Variants in RGS6 observed in about 807,000 individuals in gnomAD.
RGS6 encodes the protein regulator of G-protein signaling 6.
In RGS6, 30 loss-of-function variants were observed where a neutral mutation model predicts 78.5. That is an observed-to-expected ratio of 0.38 (90% confidence interval 0.29 to 0.52). RGS6 has a LOEUF of 0.52. RGS6 is among the 20% of genes least tolerant of loss of function. The pLI is 0.85. For missense variants in RGS6, 495 were observed against 609.7 expected, an observed-to-expected ratio of 0.81 and a Z score of 1.98; for synonymous variants, 206 against 206.0, an observed-to-expected ratio of 1.00 and a Z score of 0.00.
At chr14:71,961,630 CTG>C (rs1407511158) in intron 1 of RGS6, among the ~76,000 whole-genome samples, 5 of 152,224 alleles carry the variant, frequency 3.3e-5, no homozygotes, top group Non-Finnish European at 2.9e-5. Context: ...TTCTTGAAGA[CTG>C]TGAAATGCAA....
At chr14:72,011,781 G>A (rs994355355) in intron 2 of RGS6, among the ~76,000 whole-genome samples, 2 of 152,068 alleles carry the variant, frequency 1.3e-5, no homozygotes, top group Admixed American at 6.6e-5. Context: ...TATCCTCTGG[G>A]GGGGTACTGG....
rs1345600168 is a variant in RGS6, at chr14:72,441,366, C to T, written c.185-13162C>T. ...GTCTCACATGACTGGCTTCAGTTTT[C>T]TCACCAGTCCTGCAAAGCCAGGCCT... On this transcript the variant is annotated intron_variant, in intron 3 of 17. Coordinates refer to ENST00000553525, the MANE Select transcript of RGS6 (RefSeq NM_001204424.2). 2.6e-5 allele frequency among the ~76,000 whole-genome samples: 4 copies of T among 152,352 alleles called. No individual in the cohort carries two copies. In the East Asian group the frequency reaches 5.8e-4, roughly 22 times the overall value.
intron 2 of RGS6, among the ~76,000 whole-genome samples, chr14:72,311,301 A>G (rs369928783): frequency 1.3e-5 from 2 of 152,224 alleles, no homozygotes; most frequent in South Asian, 4.1e-4. Flanking sequence ...TTATGTGACT[A>G]TGTGATTTTT....
chr14:71,917,992 C>A, the RGS6 span, among the ~76,000 whole-genome samples: 1,153 of 151,658 alleles, frequency 7.6e-3, 14 homozygotes, highest in African/African-American at 0.026. Context: ...GCTAACACGG[C>A]GAAACCCCGT....
At chr14:72,614,938 C>G in the RGS6 span, among the ~76,000 whole-genome samples, 1 of 151,502 alleles carries the variant, frequency 6.6e-6, no homozygotes, top group Non-Finnish European at 1.5e-5. Context: ...CCCAGGCACC[C>G]CTGTCTTTCT....
At chr14:72,080,695 A>G (rs2094784391) in intron 2 of RGS6, among the ~76,000 whole-genome samples, 1 of 152,118 alleles carries the variant, frequency 6.6e-6, no homozygotes, top group Non-Finnish European at 1.5e-5. Flanking sequence ...TAGTTCTTGT[A>G]TATGGTATGA....
chr14:71,990,376 A>G (rs997550221), intron 2 of RGS6, among the ~76,000 whole-genome samples: 1 of 152,188 alleles, frequency 6.6e-6, no homozygotes, highest in Admixed American at 6.5e-5. Context: ...GTTCCAAATG[A>G]GGAAGGGCAA....
At chr14:71,922,245 T>G in the RGS6 span, among the ~76,000 whole-genome samples, 8 of 152,326 alleles carry the variant, frequency 5.3e-5, no homozygotes, top group African/African-American at 1.4e-4. Context: ...CTCTTCTAAT[T>G]CATCAACAAG....
rs191822022 is a variant in RGS6 at position 72,195,326 on chromosome 14, A to G, written c.85-156769A>G. ...GAGTATTGAATTTGAGCTGTCTCTT[A>G]GTGACAATACCAAGTAGATAGTTGG... On this transcript the variant is annotated intron_variant, in intron 2 of 17. Coordinates refer to ENST00000553525, the MANE Select transcript of RGS6 (RefSeq NM_001204424.2). Among the ~76,000 whole-genome samples the G allele has an allele frequency of 5.3e-5, 8 of 152,358 alleles. No homozygotes were observed. In the East Asian group the frequency reaches 1.3e-3, roughly 26 times the overall value.
chr14:72,524,938 C>A (rs1455607774), intron 15 of RGS6, among the ~76,000 whole-genome samples: 1 of 152,206 alleles, frequency 6.6e-6, no homozygotes, highest in Non-Finnish European at 1.5e-5. Flanking sequence ...CGTCCCAGCC[C>A]CACTGCTTTC....
At chr14:72,180,685 A>G (rs962344046) in intron 2 of RGS6, among the ~76,000 whole-genome samples, 2 of 152,192 alleles carry the variant, frequency 1.3e-5, no homozygotes, top group Admixed American at 1.3e-4. Flanking sequence ...TTGTGTTAGG[A>G]GCTTGGTTGC....
At chr14:72,345,101 C>T (rs2077762535) in intron 2 of RGS6, among the ~76,000 whole-genome samples, 1 of 152,294 alleles carries the variant, frequency 6.6e-6, no homozygotes, top group Middle Eastern at 3.4e-3. Context: ...CTGTTGAGGT[C>T]TTCTGGGAAG....
chr14:71,879,140 G>A, the RGS6 span, among the ~76,000 whole-genome samples: 1 of 152,030 alleles, frequency 6.6e-6, no homozygotes, highest in South Asian at 2.1e-4. Flanking sequence ...ATTCTAAGCT[G>A]TAAGACCTCA....
chr14:72,050,060 T>A (rs2093131456), intron 2 of RGS6, among the ~76,000 whole-genome samples: 1 of 151,944 alleles, frequency 6.6e-6, no homozygotes, highest in Non-Finnish European at 1.5e-5. Flanking sequence ...TGTCTCTATG[T>A]CAACAAGAAA....
chr14:72,409,796 G>GAGTGAGAAC lies in RGS6; in HGVS notation c.185-44730_185-44722dup, dbSNP rs536011388. Among the ~76,000 whole-genome samples the GAGTGAGAAC allele has an allele frequency of 2.3e-4, 35 of 152,164 alleles. 1 individual carries two copies. In the South Asian group the frequency reaches 6.9e-3, roughly 30 times the overall value. ...TTCTCATTGTTCAGTTCCCACCTGT[G>GAGTGAGAAC]AGTGAGAACATGCAGCGTTTGGTTT... On this transcript the variant is annotated intron_variant, in intron 3 of 17. Transcript: ENST00000553525.
chr14:72,144,962 G>C (rs560254515), intron 2 of RGS6, among the ~76,000 whole-genome samples: 1 of 152,216 alleles, frequency 6.6e-6, no homozygotes, highest in East Asian at 1.9e-4. Context: ...GCAGGTAGGG[G>C]CTCAGGAAGC....
chr14:72,609,026 G>A, the RGS6 span, among the ~76,000 whole-genome samples: 1 of 152,224 alleles, frequency 6.6e-6, no homozygotes. Context: ...GAAAATAAGA[G>A]TTTCCAAGAG....
chr14:71,891,870 C>T, the RGS6 span, among the ~76,000 whole-genome samples: 1 of 152,084 alleles, frequency 6.6e-6, no homozygotes, highest in Non-Finnish European at 1.5e-5. Flanking sequence ...TCTGCTTGGA[C>T]AAATCACCTT....
chr14:72,596,618 G>A, the RGS6 span, among the ~76,000 whole-genome samples: 1 of 152,160 alleles, frequency 6.6e-6, no homozygotes. Context: ...GCTGCCCAGA[G>A]GAAGAATTGA....
Sources: gnomAD v4.1 joint callset for allele counts (sites outside exome capture counted in the v4.1 genomes callset) on GRCh38, gnomAD v4.1.1 for gene constraint, MANE v1.5 for transcripts, NCBI Gene and HGNC (gene_info 2026-07-23, HGNC 2026-07-21) for gene names.